Variants in NUP98 observed in about 807,000 individuals in gnomAD.
The protein encoded by NUP98 is nucleoporin 98 and 96 precursor, also known as nuclear pore complex protein Nup98-Nup96.
Under a neutral mutation model 191.9 loss-of-function variants are expected in NUP98, and 26 were observed. That is an observed-to-expected ratio of 0.14 (90% CI 0.10 to 0.19). The LOEUF (loss-of-function observed/expected upper bound fraction) is 0.19, where lower values mean the gene tolerates loss of function less well. Ranked by LOEUF, NUP98 falls within the 10% of genes least tolerant of loss-of-function variation. The pLI is 1.00. For missense variants in NUP98, 1,941 were observed against 2,178.8 expected, an observed-to-expected ratio of 0.89 and a Z score of 2.17; for synonymous variants, 808 against 778.4, an observed-to-expected ratio of 1.04 and a Z score of -0.63.
chr11:3,792,196 A>C (rs1461920907), intron 1 of NUP98, among the ~76,000 whole-genome samples: 5 of 150,704 alleles, frequency 3.3e-5, no homozygotes, highest in South Asian at 4.2e-4. Flanking sequence ...AAAAAAAAAA[A>C]AAAAAAAAAA....
chr11:3,734,816 C>T (rs1469305541), intron 13 of NUP98, among the ~76,000 whole-genome samples: 1 of 152,094 alleles, frequency 6.6e-6, no homozygotes, highest in Non-Finnish European at 1.5e-5. Flanking sequence ...CCTGTAATCC[C>T]AGCACGTTGG....
chr11:3,717,580 G>A (rs1024793570), intron 18 of NUP98, among the ~76,000 whole-genome samples: 2 of 152,198 alleles, frequency 1.3e-5, no homozygotes, highest in African/African-American at 4.8e-5. Flanking sequence ...GTTTTTTTGT[G>A]TGGCATCTTT....
chr11:3,683,105 A>G (rs909129298), intron 30 of NUP98, 95 bp downstream of exon 30: 6 of 1,537,484 alleles, frequency 3.9e-6, no homozygotes, highest in Non-Finnish European at 5.3e-6. Context: ...GCCATGTCCT[A>G]CGTTGAGTCT....
At chr11:3,750,391 C>A (rs554919945) in intron 11 of NUP98, among the ~76,000 whole-genome samples, 1 of 152,286 alleles carries the variant, frequency 6.6e-6, no homozygotes, top group African/African-American at 2.4e-5. Context: ...CCACCTCATC[C>A]AGCTCTAAAT....
intron 1 of NUP98, among the ~76,000 whole-genome samples, chr11:3,784,082 T>C (rs1427403210): frequency 1.3e-5 from 2 of 152,144 alleles, no homozygotes; most frequent in Non-Finnish European, 2.9e-5. Flanking sequence ...GTGACAGAGA[T>C]GATGATTTTT....
chr11:3,743,110 C>G (rs1420778560), intron 12 of NUP98, among the ~76,000 whole-genome samples: 2 of 151,872 alleles, frequency 1.3e-5, no homozygotes, highest in East Asian at 3.9e-4. Context: ...CCTCCACCTA[C>G]CGGGTCCAAG....
At chr11:3,676,832 C>A (rs904347286) in intron 31 of NUP98, 6 of 655,514 alleles carry the variant, frequency 9.2e-6, no homozygotes, top group Admixed American at 6.6e-5. Flanking sequence ...AGTTACCTAG[C>A]CTTGGACTAG....
rs776251207 is a variant in NUP98 at position 3,699,357 on chromosome 11, G to C, written c.3743-9C>G. On this transcript the variant is annotated splice_polypyrimidine_tract_variant and intron_variant, in intron 24 of 32. Coordinates refer to ENST00000324932, the MANE Select transcript of NUP98 (RefSeq NM_016320.5). ...GCTCCAGTGCTTCACAACTAAGGCAGGAAGAGAAAAACAATGTTACGAGAC... is the reference window on the plus strand; with the variant it reads ...GCTCCAGTGCTTCACAACTAAGGCACGAAGAGAAAAACAATGTTACGAGAC... 1.9e-6 allele frequency: 3 copies of C among 1,610,674 alleles called. No homozygotes were observed. Among genetic ancestry groups the C allele is most frequent in the African/African-American group, 2.7e-5 (2 of 74,836 alleles).
Position 3,723,295 on chromosome 11 carries a change from T to C in NUP98, c.2008A>G (p.Thr670Ala). The C allele has an allele frequency of 1.2e-6, 2 of 1,614,174 alleles. No homozygotes were observed. The highest frequency in any genetic ancestry group is 2.7e-5 in the African/African-American group (2 of 75,054). ...GCACGCATGTTTAATGCAACAATGG[T>C]ATCATCCACACTGTTGCTGTTGCTG... ...KHSNSNSVDD[T>A]IVALNMRAAL... The change falls in exon 16 of 33, where the codon ACC (threonine) becomes GCC (alanine). Residue 670 changes from threonine to alanine, a missense_variant. Thr to Ala is a moderately conservative substitution (Grantham distance 58). Transcript: ENST00000324932.
intron 2 of NUP98, among the ~76,000 whole-genome samples, chr11:3,780,323 G>A (rs1179527084): frequency 6.8e-6 from 1 of 146,792 alleles, no homozygotes; most frequent in Non-Finnish European, 1.5e-5. Flanking sequence ...GAGGTCAGGA[G>A]ATCAAGACCA....
chr11:3,797,348 G>A (rs547085900), intron 1 of NUP98, 52 bp downstream of exon 1: 9 of 400,010 alleles, frequency 2.2e-5, no homozygotes, highest in South Asian at 1.2e-4. Context: ...CCGCCCGGAA[G>A]GGGGGAGAAA....
intron 22 of NUP98, among the ~76,000 whole-genome samples, chr11:3,703,515 C>T (rs2078772256): frequency 6.6e-6 from 1 of 151,994 alleles, no homozygotes; most frequent in South Asian, 2.1e-4. Context: ...TGCACTTGGC[C>T]TCAAAAACTT....
chr11:3,683,272 C>T lies in NUP98; in HGVS notation c.4846G>A (p.Glu1616Lys). Residue 1616 changes from glutamate (E) to lysine (K), a missense_variant, in exon 30 of 33, where the codon GAG becomes AAG. Coordinates refer to ENST00000324932, the MANE Select transcript of NUP98 (RefSeq NM_016320.5). The part of the protein sequence containing the change: ...RAHMESDKHL[E>K]ALCLFKAEHW... ...TCAGCCTTAAATAAGCAAAGGGCCT[C>T]TAAGTGCTTGTCAGATTCCATGTGT... 1.2e-6 allele frequency: 2 copies of T among 1,614,178 alleles called. No individual in the cohort carries two copies. The highest frequency in any genetic ancestry group is 2.2e-5 in the South Asian group (2 of 91,076).
At chr11:3,726,479 A>G (rs1445533753) in intron 14 of NUP98, among the ~76,000 whole-genome samples, 1 of 151,298 alleles carries the variant, frequency 6.6e-6, no homozygotes, top group Non-Finnish European at 1.5e-5. Flanking sequence ...ATAAAAGTCA[A>G]TGTTGGGAAT....
intron 29 of NUP98, among the ~76,000 whole-genome samples, chr11:3,683,959 G>A (rs1220304645): frequency 6.6e-6 from 1 of 151,840 alleles, no homozygotes; most frequent in Admixed American, 6.6e-5. Context: ...TGTAATCCCA[G>A]CACTTTGGGA....
At chr11:3,688,938 T>C (rs1247432178) in intron 28 of NUP98, among the ~76,000 whole-genome samples, 3 of 151,072 alleles carry the variant, frequency 2.0e-5, no homozygotes, top group Non-Finnish European at 4.4e-5. Context: ...TAAGGTAATG[T>C]AAGAAGACTT....
At chr11:3,766,709 A>G (rs1037100854) in intron 8 of NUP98, among the ~76,000 whole-genome samples, 51 of 151,694 alleles carry the variant, frequency 3.4e-4, no homozygotes, top group African/African-American at 8.0e-4. Context: ...AAAAAAAAAA[A>G]AGAGAGAAGC....
rs769002543 is a variant in NUP98, at chr11:3,693,382, G to C, written c.4168-7C>G. On this transcript the variant is annotated splice_polypyrimidine_tract_variant and splice_region_variant and intron_variant, in intron 26 of 32. Transcript: ENST00000324932. Reference sequence around the variant, plus strand: ...TTTCTGAGAGCTGCCACACCTGTGCGAAACAAAATCATCACCATGGCTATA... The same window carrying C: ...TTTCTGAGAGCTGCCACACCTGTGCCAAACAAAATCATCACCATGGCTATA... 1 of 1,613,548 alleles carries C rather than the reference G, an allele frequency of 6.2e-7. No homozygotes were observed. Among genetic ancestry groups the C allele is most frequent in the Admixed American group, 1.7e-5 (1 of 59,960 alleles).
At chr11:3,695,348 A>C in intron 26 of NUP98, 101 bp downstream of exon 26, 3 of 1,086,682 alleles carry the variant, frequency 2.8e-6, no homozygotes, top group Non-Finnish European at 2.5e-6. Context: ...ATTTTGTGTA[A>C]CTGTGCACAA....
Sources: gnomAD v4.1 joint callset for allele counts (sites outside exome capture counted in the v4.1 genomes callset) on GRCh38, gnomAD v4.1.1 for gene constraint, MANE v1.5 for transcripts, NCBI Gene and HGNC (gene_info 2026-07-23, HGNC 2026-07-21) for gene names.